MYRIP: variants seen among roughly 807,000 people sequenced by gnomAD.
MYRIP encodes rab effector MyRIP.
In MYRIP, 49 loss-of-function variants were observed where a neutral mutation model predicts 98.0. The observed-to-expected ratio is 0.50, with a 90% CI of 0.40 to 0.63. MYRIP has a LOEUF of 0.63. Among genes scored for constraint, MYRIP ranks in the 30% least tolerant of loss-of-function variants. MYRIP has a pLI of 0.00. For missense variants in MYRIP, 1,004 were observed against 1,058.2 expected (o/e 0.95, Z 0.71); for synonymous variants, 404 against 409.5 (o/e 0.99, Z 0.16).
chr3:40,134,969 A>G (rs1251340200), intron 3 of MYRIP, among the ~76,000 whole-genome samples: 1 of 152,236 alleles, frequency 6.6e-6, no homozygotes, highest in African/African-American at 2.4e-5. Context: ...TCTAAAAATC[A>G]GAGCACCTCT....
At chr3:39,813,061 G>A (rs1037601592) in intron 1 of MYRIP, among the ~76,000 whole-genome samples, 4 of 152,140 alleles carry the variant, frequency 2.6e-5, no homozygotes, top group Non-Finnish European at 4.4e-5. Flanking sequence ...TTTTAAAGAG[G>A]GTTAACTGAG....
At chr3:40,233,767 T>C in intron 11 of MYRIP, 92 bp from the exon 12 acceptor site, 1 of 1,202,908 alleles carries the variant, frequency 8.3e-7, no homozygotes, top group South Asian at 1.4e-5. Flanking sequence ...ATCAACCTCA[T>C]GATGATGAGT....
intron 2 of MYRIP, among the ~76,000 whole-genome samples, chr3:39,975,709 T>C (rs1575428948): frequency 6.6e-6 from 1 of 151,914 alleles, no homozygotes; most frequent in East Asian, 1.9e-4. Context: ...AGATATAGAC[T>C]AATGGAACAG....
chr3:39,890,321 C>A (rs566119115), intron 1 of MYRIP, among the ~76,000 whole-genome samples: 3 of 152,206 alleles, frequency 2.0e-5, no homozygotes, highest in South Asian at 2.1e-4. Flanking sequence ...TTCCCCACAA[C>A]TTCCCCAAAT....
intron 1 of MYRIP, among the ~76,000 whole-genome samples, chr3:39,831,615 T>C (rs898371798): frequency 1.3e-5 from 2 of 152,228 alleles, no homozygotes; most frequent in African/African-American, 2.4e-5. Flanking sequence ...AATTTAGATA[T>C]AAATTTTTAT....
intron 12 of MYRIP, among the ~76,000 whole-genome samples, chr3:40,237,671 A>G (rs1952860486): frequency 6.6e-6 from 1 of 152,158 alleles, no homozygotes; most frequent in Non-Finnish European, 1.5e-5. Context: ...TTGACTTCTC[A>G]TGCACAGGGT....
chr3:39,917,214 A>G (rs1262327719), intron 2 of MYRIP, among the ~76,000 whole-genome samples: 1 of 151,962 alleles, frequency 6.6e-6, no homozygotes, highest in African/African-American at 2.4e-5. Context: ...AGTCAAAAAG[A>G]TTACATTAAT....
intron 2 of MYRIP, among the ~76,000 whole-genome samples, chr3:40,036,331 T>C (rs1280848240): frequency 8.6e-6 from 1 of 115,812 alleles, no homozygotes; most frequent in Non-Finnish European, 1.9e-5. Context: ...AAAACTTTAT[T>C]CAAAATGAGC....
At chr3:39,918,216 G>A (rs1412657309) in intron 2 of MYRIP, among the ~76,000 whole-genome samples, 1 of 152,156 alleles carries the variant, frequency 6.6e-6, no homozygotes, top group Non-Finnish European at 1.5e-5. Flanking sequence ...GCCCGGCCCT[G>A]ACTTCCATTC....
intron 3 of MYRIP, among the ~76,000 whole-genome samples, chr3:40,150,680 T>C (rs1217628737): frequency 2.6e-5 from 4 of 152,222 alleles, no homozygotes; most frequent in African/African-American, 2.4e-5. Context: ...AGTTCACTCA[T>C]GTGTCTCCAG....
At chr3:39,945,874 A>G (rs1944889210) in intron 2 of MYRIP, among the ~76,000 whole-genome samples, 1 of 152,162 alleles carries the variant, frequency 6.6e-6, no homozygotes, top group African/African-American at 2.4e-5. Flanking sequence ...CTGAGTATAA[A>G]GGCTATGATT....
At chr3:40,243,822 AT>A (rs1953100236) in intron 12 of MYRIP, among the ~76,000 whole-genome samples, 1 of 152,164 alleles carries the variant, frequency 6.6e-6, no homozygotes, top group African/African-American at 2.4e-5. Flanking sequence ...TTGCTCTCTT[AT>A]TTTTAACAGC....
intron 3 of MYRIP, among the ~76,000 whole-genome samples, chr3:40,114,858 A>G (rs909212479): frequency 5.9e-5 from 9 of 152,310 alleles, no homozygotes; most frequent in African/African-American, 2.2e-4. Flanking sequence ...AATGCATATG[A>G]CCTTTGAGCT....
chr3:39,956,863 C>T (rs957561906), intron 2 of MYRIP, among the ~76,000 whole-genome samples: 6 of 151,742 alleles, frequency 4.0e-5, no homozygotes, highest in Non-Finnish European at 8.8e-5. Flanking sequence ...ACCGATCCCA[C>T]AGAAATACAA....
At chr3:40,003,291 T>A (rs945194119) in intron 2 of MYRIP, among the ~76,000 whole-genome samples, 2 of 152,160 alleles carry the variant, frequency 1.3e-5, no homozygotes, top group African/African-American at 4.8e-5. Context: ...CTGTGAGGTG[T>A]CTTCAAGGGA....
chr3:40,063,622 T>C (rs894920180), intron 3 of MYRIP, among the ~76,000 whole-genome samples: 9 of 152,212 alleles, frequency 5.9e-5, no homozygotes, highest in African/African-American at 2.2e-4. Flanking sequence ...AATATTCTTT[T>C]CCTCTTTTCT....
chr3:40,255,651 T>C (rs1953561588), intron 16 of MYRIP, among the ~76,000 whole-genome samples: 1 of 152,124 alleles, frequency 6.6e-6, no homozygotes, highest in Non-Finnish European at 1.5e-5. Context: ...TTTGATAAAA[T>C]AAAGTAGTTA....
At chr3:40,096,463 A>C (rs887028473) in intron 3 of MYRIP, among the ~76,000 whole-genome samples, 4 of 152,224 alleles carry the variant, frequency 2.6e-5, no homozygotes, top group Non-Finnish European at 5.9e-5. Flanking sequence ...AGCCTCATAA[A>C]TCAATGCAGG....
chr3:39,998,360 A>C (rs1385309563), intron 2 of MYRIP, among the ~76,000 whole-genome samples: 1 of 152,232 alleles, frequency 6.6e-6, no homozygotes, highest in Non-Finnish European at 1.5e-5. Context: ...CAATCTGCAA[A>C]AATCACAAGC....
Sources: allele counts gnomAD v4.1 joint callset (sites outside exome capture counted in the v4.1 genomes callset), GRCh38; gene constraint gnomAD v4.1.1; transcripts MANE v1.5; gene names NCBI Gene and HGNC (gene_info 2026-07-23, HGNC 2026-07-21).